The following PRDM16 variants were observed in gnomAD, a reference collection of about 807,000 sequenced individuals.
PRDM16 encodes the protein PR/SET domain 16, also known as histone-lysine N-methyltransferase PRDM16.
PRDM16 carries 23 observed loss-of-function variants against 110.6 expected under a neutral mutation model. That is an observed-to-expected ratio of 0.21 (90% CI 0.15 to 0.29). PRDM16 has a LOEUF of 0.29. Ranked by LOEUF, PRDM16 falls within the 10% of genes least tolerant of loss-of-function variation. PRDM16 has a pLI of 1.00. For synonymous variants in PRDM16, 799 were observed against 781.8 expected (o/e 1.02, Z -0.37); for missense variants, 1,615 against 1,794.3 (o/e 0.90, Z 1.81).
intron 3 of PRDM16, among the ~76,000 whole-genome samples, chr1:3,321,605 A>C (rs928629196): frequency 4.3e-5 from 6 of 139,230 alleles, no homozygotes; most frequent in Non-Finnish European, 7.8e-5. Flanking sequence ...GGGGGGTTGC[A>C]CATGTATGTG....
rs372642262 is a variant in PRDM16 at position 3,201,421 on chromosome 1, G to T, written c.387+14947G>T. ...CTTCAAGTCCAGTAGCCCAAGCCAC[G>T]GGAGCCAGCCTCACCCTGGCCCCAC... is the stretch of plus-strand genomic sequence containing the variant. On this transcript the variant is annotated intron_variant, in intron 2 of 16. Transcript: ENST00000270722. The surrounding 1 kb of genome is among the most constrained non-coding windows in gnomAD (Gnocchi z 4.1). Among the ~76,000 whole-genome samples the T allele has an allele frequency of 6.6e-6, 1 of 152,192 alleles. No homozygotes were observed. Among genetic ancestry groups the T allele is most frequent in the East Asian group, 1.9e-4 (1 of 5,162 alleles).
chr1:3,078,861 G>T (rs946952241), intron 1 of PRDM16, among the ~76,000 whole-genome samples: 2 of 152,230 alleles, frequency 1.3e-5, no homozygotes, highest in Non-Finnish European at 2.9e-5. Context: ...CATGGCTCCC[G>T]TAGCTGGGTC....
chr1:3,205,165 G>GGGGGCCA (rs1426711612), intron 2 of PRDM16, among the ~76,000 whole-genome samples: 11 of 151,594 alleles, frequency 7.3e-5, no homozygotes, highest in Non-Finnish European at 1.5e-4. Context: ...CCTAGAGCCG[G>GGGGGCCA]GGGGCCAGGG....
chr1:3,297,928 GGCCAGACTGCATGGCAAGCTCCGCAGGA>G (rs1641124815), intron 3 of PRDM16, among the ~76,000 whole-genome samples: 1 of 151,626 alleles, frequency 6.6e-6, no homozygotes, highest in Admixed American at 6.6e-5. Flanking sequence ...GCTCCACAGG[GGCCAGACTGCATGGCAAGCTCCGCAGGA>G]GCCAGCTCTG....
At chr1:3,337,493 T>G (rs902254822) in intron 3 of PRDM16, among the ~76,000 whole-genome samples, 4 of 152,014 alleles carry the variant, frequency 2.6e-5, no homozygotes, top group African/African-American at 9.7e-5. Context: ...TGGGTTAGAG[T>G]AGGGGCCATG....
chr1:3,426,500 C>T (rs1638611062), intron 14 of PRDM16, among the ~76,000 whole-genome samples: 1 of 152,148 alleles, frequency 6.6e-6, no homozygotes, highest in Non-Finnish European at 1.5e-5. Flanking sequence ...AAAACACTAG[C>T]CAGGTGACCG....
chr1:3,324,838 G>T (rs1247245055), intron 3 of PRDM16, among the ~76,000 whole-genome samples: 1 of 151,970 alleles, frequency 6.6e-6, no homozygotes, highest in Non-Finnish European at 1.5e-5. Flanking sequence ...GTCGTGGGCA[G>T]CACATCTGAC....
chr1:3,116,380 G>A (rs1642960489), intron 1 of PRDM16, among the ~76,000 whole-genome samples: 1 of 152,162 alleles, frequency 6.6e-6, no homozygotes, highest in Non-Finnish European at 1.5e-5. Context: ...GGGGGACGCG[G>A]GTTCACGGGT....
At chr1:3,223,638 G>A (rs1428515405) in intron 2 of PRDM16, among the ~76,000 whole-genome samples, 1 of 152,164 alleles carries the variant, frequency 6.6e-6, no homozygotes, top group African/African-American at 2.4e-5. Context: ...GGGCTGCAGG[G>A]GAATGCACCA....
At chr1:3,096,052 A>C (rs371216748) in intron 1 of PRDM16, among the ~76,000 whole-genome samples, 13 of 152,056 alleles carry the variant, frequency 8.5e-5, no homozygotes, top group African/African-American at 1.2e-4. Context: ...CCTGCCCCCT[A>C]ACAGTCCTGG....
chr1:3,342,001 A>ATG (rs1642282558), intron 3 of PRDM16, among the ~76,000 whole-genome samples: 2 of 152,230 alleles, frequency 1.3e-5, no homozygotes, highest in South Asian at 4.1e-4. Flanking sequence ...TCCTTTTTAA[A>ATG]TGTAAGGATG....
intron 3 of PRDM16, among the ~76,000 whole-genome samples, chr1:3,333,125 C>T (rs560605876): frequency 6.6e-6 from 1 of 152,280 alleles, no homozygotes; most frequent in East Asian, 1.9e-4. Context: ...GGTCACACGG[C>T]CTTACTCCTC....
rs868824329 is a variant in PRDM16, at chr1:3,201,990, C to A, written c.387+15516C>A. On this transcript the variant is annotated intron_variant, in intron 2 of 16. Coordinates refer to ENST00000270722, the MANE Select transcript of PRDM16 (RefSeq NM_022114.4). The surrounding 1 kb of genome is among the most constrained non-coding windows in gnomAD (Gnocchi z 4.1). ...CCCGTACATAATAGTGGGTCCCACA[C>A]GTCCATGAGGCAGGGGACGCCCTCA... Among the ~76,000 whole-genome samples the A allele has an allele frequency of 5.9e-5, 9 of 152,320 alleles. No individual in the cohort carries two copies. Among genetic ancestry groups the A allele is most frequent in the Middle Eastern group, 6.8e-3 (2 of 294 alleles).
chr1:3,242,435 G>C (rs974150933), intron 2 of PRDM16, among the ~76,000 whole-genome samples: 4 of 152,172 alleles, frequency 2.6e-5, no homozygotes, highest in Non-Finnish European at 5.9e-5. Context: ...CCACTGGGAC[G>C]GGGCATCCCT....
chr1:3,129,629 G>T (rs148200273), intron 1 of PRDM16, among the ~76,000 whole-genome samples: 283 of 152,278 alleles, frequency 1.9e-3, no homozygotes, highest in Non-Finnish European at 3.3e-3. Context: ...CTTGAAGCAG[G>T]TTCTCCCAGG....
At chr1:3,169,051 G>A (rs1465479510) in intron 1 of PRDM16, among the ~76,000 whole-genome samples, 5 of 152,242 alleles carry the variant, frequency 3.3e-5, no homozygotes, top group East Asian at 1.9e-4. Context: ...TAAGAGGGAC[G>A]TCCTGAGACC....
At chr1:3,259,833 C>T (rs1640123957) in intron 3 of PRDM16, among the ~76,000 whole-genome samples, 1 of 152,116 alleles carries the variant, frequency 6.6e-6, no homozygotes, top group Non-Finnish European at 1.5e-5. Context: ...TCTCCATGGT[C>T]AGGTCTGGTC....
At chr1:3,114,268 A>G (rs1204195661) in intron 1 of PRDM16, among the ~76,000 whole-genome samples, 2 of 144,292 alleles carry the variant, frequency 1.4e-5, no homozygotes, top group African/African-American at 2.6e-5. Context: ...GCGCACACGT[A>G]CACACACGCA....
chr1:3,308,022 G>A (rs1484441404), intron 3 of PRDM16: 3 of 152,102 alleles, frequency 2.0e-5, no homozygotes, highest in Non-Finnish European at 4.4e-5. Flanking sequence ...TTAGTCCCAC[G>A]GTAGACACCT....
Sources: allele counts gnomAD v4.1 joint callset (sites outside exome capture counted in the v4.1 genomes callset), GRCh38; gene constraint gnomAD v4.1.1; non-coding constraint Gnocchi (gnomAD v3.1); transcripts MANE v1.5; gene names NCBI Gene and HGNC (gene_info 2026-07-23, HGNC 2026-07-21).